Variants in EBF1 observed in about 807,000 individuals in gnomAD.
The protein encoded by EBF1 is transcription factor COE1.
EBF1 carries 10 observed loss-of-function variants against 68.4 expected under a neutral mutation model. That is an observed-to-expected ratio of 0.15 (90% CI 0.09 to 0.25). The LOEUF is 0.25. Ranked by LOEUF, EBF1 falls within the 10% of genes least tolerant of loss-of-function variation. The probability of loss-of-function intolerance (pLI) is 1.00; values close to 1 mark genes in which losing one functional copy is unlikely to be tolerated. For synonymous variants in EBF1, 298 were observed against 299.8 expected (o/e 0.99, Z 0.06); for missense variants, 509 against 794.4 (o/e 0.64, Z 4.32).
intron 9 of EBF1, among the ~76,000 whole-genome samples, chr5:158,789,264 G>T (rs1281568816): frequency 1.3e-5 from 2 of 152,042 alleles, no homozygotes; most frequent in African/African-American, 4.8e-5. Context: ...AATCAACTTT[G>T]AATTAAATTT....
At chr5:158,881,523 G>A (rs1239461562) in intron 6 of EBF1, among the ~76,000 whole-genome samples, 2 of 152,194 alleles carry the variant, frequency 1.3e-5, no homozygotes, top group South Asian at 2.1e-4. Flanking sequence ...TTTTGTTTAC[G>A]ATCTGCTGCG....
At chr5:158,794,401 TG>T (rs1581946267) in intron 9 of EBF1, among the ~76,000 whole-genome samples, 2 of 152,306 alleles carry the variant, frequency 1.3e-5, no homozygotes, top group East Asian at 3.9e-4. Context: ...CTCCCTTTGC[TG>T]TTCCCAAAAC....
rs1766257448 is a variant in EBF1, at chr5:158,741,021, T to A, written c.1037-9864A>T. Among the ~76,000 whole-genome samples, 4 of 152,196 alleles carry A rather than the reference T, an allele frequency of 2.6e-5. No individual in the cohort carries two copies. The South Asian group carries it at 8.3e-4, about 32-fold the overall frequency. ...TAAACTTTATGTTCCAGCAACTTAG[T>A]AGGACATACATATTTGACAAAAACT... is the stretch of plus-strand genomic sequence containing the variant. On this transcript the variant is annotated intron_variant, in intron 10 of 15. Coordinates refer to ENST00000313708, the MANE Select transcript of EBF1 (RefSeq NM_024007.5).
At chr5:158,912,360 T>C (rs1388115567) in intron 6 of EBF1, among the ~76,000 whole-genome samples, 3 of 152,230 alleles carry the variant, frequency 2.0e-5, no homozygotes, top group African/African-American at 7.2e-5. Context: ...TGGAGTGATA[T>C]GCATAGGTGC....
chr5:158,921,104 T>C (rs907829528), intron 6 of EBF1, among the ~76,000 whole-genome samples: 13 of 152,350 alleles, frequency 8.5e-5, no homozygotes, highest in South Asian at 4.1e-4. Context: ...CACACGTTTA[T>C]GCGTTTGACC....
chr5:159,061,318 G>C (rs17718288), intron 6 of EBF1, among the ~76,000 whole-genome samples: 66,457 of 151,574 alleles, frequency 0.44, 15,603 homozygotes, highest in Non-Finnish European at 0.52. Flanking sequence ...ACCGGTTTCT[G>C]TATCCCCAAG....
chr5:159,031,863 A>C (rs1468587307), intron 6 of EBF1, among the ~76,000 whole-genome samples: 1 of 152,242 alleles, frequency 6.6e-6, no homozygotes, highest in African/African-American at 2.4e-5. Flanking sequence ...GAACAGTTGG[A>C]AAATCTTCAC....
chr5:158,821,782 T>C (rs1211161958), intron 8 of EBF1, among the ~76,000 whole-genome samples: 1 of 152,176 alleles, frequency 6.6e-6, no homozygotes, highest in Non-Finnish European at 1.5e-5. Context: ...GAGCAGGTGT[T>C]TGAAATGGCC....
intron 6 of EBF1, among the ~76,000 whole-genome samples, chr5:158,998,568 C>A (rs1176715830): frequency 6.6e-6 from 1 of 152,222 alleles, no homozygotes; most frequent in Non-Finnish European, 1.5e-5. Context: ...GTCTGAACTA[C>A]TTCAGCTTCC....
At chr5:159,087,133 C>G (rs1320474202) in intron 4 of EBF1, among the ~76,000 whole-genome samples, 1 of 151,576 alleles carries the variant, frequency 6.6e-6, no homozygotes, top group Non-Finnish European at 1.5e-5. Context: ...ATCTCTGTTT[C>G]AGCTTTAATA....
At chr5:158,812,887 G>C (rs902000276) in intron 8 of EBF1, among the ~76,000 whole-genome samples, 1 of 152,082 alleles carries the variant, frequency 6.6e-6, no homozygotes, top group Non-Finnish European at 1.5e-5. Flanking sequence ...ACAGCAGCTT[G>C]GGAGTTTTAT....
chr5:158,708,186 A>T lies in EBF1; in HGVS notation c.1550-13T>A. 6.4e-7 allele frequency: 1 copy of T among 1,566,326 alleles called. No homozygotes were observed. Among genetic ancestry groups the T allele is most frequent in the African/African-American group, 1.4e-5 (1 of 73,990 alleles). ...CTGGATGGCACTACTGAGAGGGGCA[A>T]TGAGAAAGGAGAAATCAGTGCCTTT... is the stretch of plus-strand genomic sequence containing the variant. On this transcript the variant is annotated splice_polypyrimidine_tract_variant and intron_variant, in intron 14 of 15. Transcript: ENST00000313708.
intron 9 of EBF1, among the ~76,000 whole-genome samples, chr5:158,791,420 G>A (rs1332527394): frequency 1.1e-4 from 17 of 151,378 alleles, no homozygotes; most frequent in East Asian, 5.8e-4. Context: ...GAGGTCCAGC[G>A]ACCAACAATG....
chr5:159,000,176 G>GACAC (rs147885139), intron 6 of EBF1, among the ~76,000 whole-genome samples: 1 of 151,670 alleles, frequency 6.6e-6, no homozygotes, highest in East Asian at 1.9e-4. Flanking sequence ...TTGCAGTACA[G>GACAC]ACACACACAC....
chr5:159,083,582 G>A (rs1196842743), intron 5 of EBF1, among the ~76,000 whole-genome samples: 3 of 152,166 alleles, frequency 2.0e-5, no homozygotes, highest in Non-Finnish European at 1.5e-5. Context: ...CAAGAAGTTG[G>A]TATTTGGGAT....
At chr5:159,057,104 CTTTTTTTTTTTTT>C (rs1205129627) in intron 6 of EBF1, among the ~76,000 whole-genome samples, 1 of 110,642 alleles carries the variant, frequency 9.0e-6, no homozygotes, top group African/African-American at 3.2e-5. Context: ...CTTTTCTTTT[CTTTTTTTTTTTTT>C]TTTTTTTGAG....
At chr5:158,777,377 G>T in intron 10 of EBF1, 36 bp downstream of exon 10, 1 of 1,563,692 alleles carries the variant, frequency 6.4e-7, no homozygotes, top group South Asian at 1.2e-5. Context: ...ACAAGACCAC[G>T]GCAGTTCTGT....
intron 6 of EBF1, among the ~76,000 whole-genome samples, chr5:158,995,377 T>C (rs1377063140): frequency 1.3e-5 from 2 of 152,160 alleles, no homozygotes; most frequent in Non-Finnish European, 2.9e-5. Context: ...TTAGGCACAG[T>C]AGCAGATCAA....
At chr5:158,926,437 T>C (rs1051659461) in intron 6 of EBF1, among the ~76,000 whole-genome samples, 2 of 152,018 alleles carry the variant, frequency 1.3e-5, no homozygotes, top group African/African-American at 4.8e-5. Flanking sequence ...GAAATAACTA[T>C]CTTATTGGCC....
Sources: allele counts gnomAD v4.1 joint callset (sites outside exome capture counted in the v4.1 genomes callset), GRCh38; gene constraint gnomAD v4.1.1; transcripts MANE v1.5; gene names NCBI Gene and HGNC (gene_info 2026-07-23, HGNC 2026-07-21).